Variants in FILIP1L observed in about 807,000 individuals in gnomAD.
FILIP1L encodes filamin A-interacting protein 1-like.
Under a neutral mutation model 96.6 loss-of-function variants are expected in FILIP1L, and 55 were observed. The ratio of observed to expected loss-of-function variants is 0.57; its 90% CI spans 0.46 to 0.71. The LOEUF (loss-of-function observed/expected upper bound fraction) is 0.71. FILIP1L is among the 30% of genes least tolerant of loss of function. The pLI, the probability that FILIP1L is intolerant of heterozygous loss-of-function variation, is 0.00. For missense variants in FILIP1L, 1,304 were observed against 1,321.2 expected (o/e 0.99, Z 0.20); for synonymous variants, 467 against 473.9 (o/e 0.99, Z 0.19).
At chr3:99,895,399 A>G (rs1386660250) in intron 4 of FILIP1L, among the ~76,000 whole-genome samples, 1 of 131,862 alleles carries the variant, frequency 7.6e-6, no homozygotes, top group Non-Finnish European at 1.6e-5. Context: ...TTTTTTTACT[A>G]TGTATCCCAT....
At chr3:100,061,814 G>T (rs1482292691) in intron 1 of FILIP1L, among the ~76,000 whole-genome samples, 2 of 152,194 alleles carry the variant, frequency 1.3e-5, no homozygotes, top group East Asian at 1.9e-4. Flanking sequence ...TCAGAGGCAA[G>T]ATTTGAAGCC....
chr3:100,023,815 C>T (rs1456319896), intron 1 of FILIP1L, among the ~76,000 whole-genome samples: 2 of 152,180 alleles, frequency 1.3e-5, no homozygotes, highest in African/African-American at 4.8e-5. Flanking sequence ...GCAAAGCATA[C>T]TATGTTCTCC....
At chr3:99,867,160 T>G (rs1301947463) in intron 4 of FILIP1L, among the ~76,000 whole-genome samples, 2 of 152,178 alleles carry the variant, frequency 1.3e-5, no homozygotes, top group Admixed American at 1.3e-4. Flanking sequence ...CAACAGCATA[T>G]CTGCTAGAGG....
At chr3:100,018,095 G>T (rs752149876) in intron 1 of FILIP1L, among the ~76,000 whole-genome samples, 22 of 152,156 alleles carry the variant, frequency 1.4e-4, no homozygotes, top group Non-Finnish European at 1.5e-5. Flanking sequence ...TTGGGAGGCC[G>T]AGGCGGGCAG....
chr3:100,072,150 A>T (rs1458107373), intron 1 of FILIP1L, among the ~76,000 whole-genome samples: 1 of 152,212 alleles, frequency 6.6e-6, no homozygotes, highest in East Asian at 1.9e-4. Context: ...ACCAAACACT[A>T]GGCAATATGC....
At chr3:99,930,667 A>G (rs1707449121) in intron 2 of FILIP1L, 102 bp downstream of exon 2, 5 of 1,275,072 alleles carry the variant, frequency 3.9e-6, no homozygotes, top group East Asian at 4.7e-5. Flanking sequence ...ATGTACACAC[A>G]TGTATGAACC....
intron 4 of FILIP1L, among the ~76,000 whole-genome samples, chr3:99,872,522 A>T (rs750667604): frequency 2.6e-5 from 4 of 151,862 alleles, no homozygotes; most frequent in Non-Finnish European, 4.4e-5. Context: ...GTCTGTCCCA[A>T]TCATACACTT....
intron 1 of FILIP1L, among the ~76,000 whole-genome samples, chr3:100,034,253 A>G (rs959986506): frequency 2.6e-5 from 4 of 152,206 alleles, no homozygotes; most frequent in African/African-American, 7.2e-5. Context: ...AATGGGGGGA[A>G]AAAGCTGCAG....
At chr3:100,087,057 T>C (rs1032298272) in intron 1 of FILIP1L, among the ~76,000 whole-genome samples, 1 of 152,250 alleles carries the variant, frequency 6.6e-6, no homozygotes. Context: ...TGCTGTTTAA[T>C]GTGCTGTCAT....
At chr3:100,025,735 A>C (rs1000599401) in intron 1 of FILIP1L, among the ~76,000 whole-genome samples, 1 of 152,072 alleles carries the variant, frequency 6.6e-6, no homozygotes, top group East Asian at 1.9e-4. Context: ...TTTTCATGTA[A>C]GTGAAGCTAA....
At chr3:99,945,814 A>G (rs1707990800) in intron 1 of FILIP1L, among the ~76,000 whole-genome samples, 1 of 152,168 alleles carries the variant, frequency 6.6e-6, no homozygotes, top group African/African-American at 2.4e-5. Context: ...CAATTTTTTT[A>G]AAAAGAGAAA....
At chr3:99,982,827 T>G (rs2107734937) in intron 1 of FILIP1L, among the ~76,000 whole-genome samples, 1 of 152,320 alleles carries the variant, frequency 6.6e-6, no homozygotes, top group East Asian at 1.9e-4. Context: ...AGCCCAACCC[T>G]ATGAAATGGT....
intron 1 of FILIP1L, among the ~76,000 whole-genome samples, chr3:100,001,637 T>A (rs1348474046): frequency 6.6e-6 from 1 of 152,200 alleles, no homozygotes; most frequent in East Asian, 1.9e-4. Context: ...TTGGGTCTTG[T>A]CTTCCTGTCA....
chr3:100,057,352 G>A (rs1371859490), intron 1 of FILIP1L, among the ~76,000 whole-genome samples: 6 of 152,144 alleles, frequency 3.9e-5, no homozygotes, highest in African/African-American at 1.4e-4. Flanking sequence ...CCCGGCCTTA[G>A]GCATGTCAGT....
chr3:99,942,090 G>T (rs771175266), intron 1 of FILIP1L, among the ~76,000 whole-genome samples: 1 of 152,074 alleles, frequency 6.6e-6, no homozygotes, highest in Non-Finnish European at 1.5e-5. Flanking sequence ...GGTGGTGGGC[G>T]CCTGTAGTCC....
At chr3:99,833,195 T>C in intron 5 of FILIP1L, 1 of 1,587,882 alleles carries the variant, frequency 6.3e-7, no homozygotes, top group Non-Finnish European at 8.6e-7. Context: ...ACATGAAGAC[T>C]GGGATTTGGA....
chr3:100,098,299 G>A (rs1347736609), intron 1 of FILIP1L, among the ~76,000 whole-genome samples: 1 of 152,200 alleles, frequency 6.6e-6, no homozygotes, highest in African/African-American at 2.4e-5. Flanking sequence ...CAAGCACTGT[G>A]TTTTAGAGTG....
chr3:99,863,948 T>C (rs1427660778), intron 4 of FILIP1L, among the ~76,000 whole-genome samples: 1 of 152,344 alleles, frequency 6.6e-6, no homozygotes, highest in East Asian at 1.9e-4. Flanking sequence ...GATCTTTCCA[T>C]TGGATCAGTG....
At chr3:99,931,084 G>A (rs1297373962) in intron 1 of FILIP1L, 54 bp from the exon 2 acceptor site, 1 of 1,455,940 alleles carries the variant, frequency 6.9e-7, no homozygotes, top group Non-Finnish European at 9.5e-7. Flanking sequence ...GTTTTAATAA[G>A]AGTACCTATT....
Sources: gnomAD v4.1 joint callset for allele counts (sites outside exome capture counted in the v4.1 genomes callset) on GRCh38, gnomAD v4.1.1 for gene constraint, MANE v1.5 for transcripts, NCBI Gene and HGNC (gene_info 2026-07-23, HGNC 2026-07-21) for gene names.